The following SFSWAP variants were observed in gnomAD, a reference collection of about 807,000 sequenced individuals.
SFSWAP encodes splicing factor, suppressor of white-apricot homolog.
Under a neutral mutation model 100.7 loss-of-function variants are expected in SFSWAP, and 17 were observed. That is an observed-to-expected ratio of 0.17 (90% CI 0.12 to 0.25). The LOEUF (loss-of-function observed/expected upper bound fraction) is 0.25, where lower values mean the gene tolerates loss of function less well. Among genes scored for constraint, SFSWAP ranks in the 10% least tolerant of loss-of-function variants. SFSWAP has a pLI of 1.00. For missense variants in SFSWAP, 1,005 were observed against 1,262.6 expected, an observed-to-expected ratio of 0.80 and a Z score of 3.09; for synonymous variants, 504 against 510.1, an observed-to-expected ratio of 0.99 and a Z score of 0.16.
intron 4 of SFSWAP, among the ~76,000 whole-genome samples, chr12:131,722,254 A>T (rs960148388): frequency 6.6e-6 from 1 of 152,158 alleles, no homozygotes; most frequent in South Asian, 2.1e-4. Flanking sequence ...GAAGAGTAAG[A>T]AGTAGTTAGA....
At chr12:131,757,881 GA>G in intron 11 of SFSWAP, 1 of 152,392 alleles carries the variant, frequency 6.6e-6, no homozygotes, top group Non-Finnish European at 1.5e-5. Context: ...AGTAGAGGAG[GA>G]AAATGGTTAC....
At position 131,728,295 on chromosome 12, in the gene SFSWAP, C is replaced by T; in HGVS notation, c.948C>T (p.Pro316=). The change falls in exon 7 of 18, where the codon CCC becomes CCT. Residue 316 remains proline (P), a splice_region_variant and synonymous_variant. Coordinates refer to ENST00000261674, the MANE Select transcript of SFSWAP (RefSeq NM_004592.4). ...GGCTGTGTCTTCTCTGTTTCCAGCC[C>T]TTGAAGGTAGTGGACCCAGATCATC... ...KCNRLEELMK[P]LKVVDPDHPL... 1 of 1,614,208 alleles carries T rather than the reference C, an allele frequency of 6.2e-7. No homozygotes were observed. Among genetic ancestry groups the T allele is most frequent in the Non-Finnish European group, 8.5e-7 (1 of 1,180,026 alleles).
At chr12:131,777,495 A>G (rs887322491) in intron 13 of SFSWAP, among the ~76,000 whole-genome samples, 3 of 152,234 alleles carry the variant, frequency 2.0e-5, no homozygotes, top group Admixed American at 6.5e-5. Context: ...ATGGCTGCAT[A>G]GTATTCCATG....
intron 7 of SFSWAP, among the ~76,000 whole-genome samples, chr12:131,740,964 T>TC (rs1880555745): frequency 1.5e-5 from 2 of 135,768 alleles, no homozygotes; most frequent in East Asian, 2.5e-4. Flanking sequence ...TTTCTTTTTT[T>TC]TCTTTTTTTT....
intron 14 of SFSWAP, among the ~76,000 whole-genome samples, chr12:131,786,237 G>A (rs1000862397): frequency 1.3e-5 from 2 of 152,178 alleles, no homozygotes; most frequent in African/African-American, 2.4e-5. Context: ...TGTGTGGAAC[G>A]GGAGAGAGAC....
intron 7 of SFSWAP, among the ~76,000 whole-genome samples, chr12:131,747,670 C>T (rs929070296): frequency 2.0e-5 from 3 of 152,128 alleles, no homozygotes; most frequent in Non-Finnish European, 2.9e-5. Flanking sequence ...AATCATCGGG[C>T]GTCAGCCTTG....
intron 7 of SFSWAP, among the ~76,000 whole-genome samples, chr12:131,737,016 A>G (rs1047735940): frequency 6.6e-5 from 10 of 152,164 alleles, no homozygotes; most frequent in African/African-American, 2.4e-4. Flanking sequence ...ATATGGGTGA[A>G]CATAGCCACA....
At chr12:131,786,338 A>T in intron 14 of SFSWAP, 125 bp from the exon 15 acceptor site, 1 of 1,209,510 alleles carries the variant, frequency 8.3e-7, no homozygotes, top group Non-Finnish European at 1.1e-6. Flanking sequence ...CTCAGGGTCT[A>T]CACAGGCACC....
Position 131,733,723 on chromosome 12 carries a change from C to T in SFSWAP, c.1081+5295C>T, listed in dbSNP as rs1385702429. ...CTCAGGACAGGCACAGAGGACTCCACCCTGGAGTCACAGGCTTGGTGAGGT... is the reference window on the plus strand; with the variant it reads ...CTCAGGACAGGCACAGAGGACTCCATCCTGGAGTCACAGGCTTGGTGAGGT... On this transcript the variant is annotated intron_variant, in intron 7 of 17. Coordinates refer to ENST00000261674, the MANE Select transcript of SFSWAP (RefSeq NM_004592.4). This position sits in a 1 kb window ranked among gnomAD's most constrained non-coding sequence, Gnocchi z 5.1. Among the ~76,000 whole-genome samples, 2 of 152,066 alleles carry T rather than the reference C, an allele frequency of 1.3e-5. No individual in the cohort carries two copies. Among genetic ancestry groups the T allele is most frequent in the African/African-American group, 4.8e-5 (2 of 41,396 alleles).
chr12:131,718,149 T>C (rs1020286011), intron 3 of SFSWAP, among the ~76,000 whole-genome samples: 2 of 152,224 alleles, frequency 1.3e-5, no homozygotes, highest in South Asian at 2.1e-4. Context: ...AATCAACTTA[T>C]ATCTGATCAG....
intron 8 of SFSWAP, 93 bp downstream of exon 8, chr12:131,753,456 A>C: frequency 6.8e-7 from 1 of 1,466,036 alleles, no homozygotes; most frequent in Non-Finnish European, 9.1e-7. Context: ...CTTGTAATCT[A>C]GATCATATAC....
At chr12:131,735,695 T>C (rs1879945372) in intron 7 of SFSWAP, among the ~76,000 whole-genome samples, 1 of 152,248 alleles carries the variant, frequency 6.6e-6, no homozygotes, top group African/African-American at 2.4e-5. Flanking sequence ...TCACGTGAGC[T>C]GCACGCAGCG....
intron 15 of SFSWAP, among the ~76,000 whole-genome samples, chr12:131,795,256 C>G (rs1357380503): frequency 6.6e-6 from 1 of 152,204 alleles, no homozygotes; most frequent in Non-Finnish European, 1.5e-5. Context: ...AGCACCGTCT[C>G]TGGCAGGTCC....
intron 15 of SFSWAP, among the ~76,000 whole-genome samples, chr12:131,793,820 G>C (rs1447667732): frequency 2.6e-5 from 4 of 152,130 alleles, no homozygotes; most frequent in Admixed American, 1.3e-4. Context: ...GATGTGGAAC[G>C]GCATGAGTCA....
Position 131,730,206 on chromosome 12 carries a change from G to A in SFSWAP, c.1081+1778G>A, listed in dbSNP as rs1402712562. 1.3e-5 allele frequency among the ~76,000 whole-genome samples: 2 copies of A among 152,156 alleles called. No individual in the cohort carries two copies. The highest frequency in any genetic ancestry group is 2.4e-5 in the African/African-American group (1 of 41,452). ...CACCTTTAAGTCTTGAGCCCCACTC[G>A]GCAGCCTGTGAAGCTCCCGCCCTGG... On this transcript the variant is annotated intron_variant, in intron 7 of 17. Coordinates refer to ENST00000261674, the MANE Select transcript of SFSWAP (RefSeq NM_004592.4). This position sits in a 1 kb window ranked among gnomAD's most constrained non-coding sequence, Gnocchi z 4.0.
chr12:131,744,191 T>C (rs1233188572), intron 7 of SFSWAP, among the ~76,000 whole-genome samples: 2 of 152,252 alleles, frequency 1.3e-5, no homozygotes, highest in African/African-American at 4.8e-5. Flanking sequence ...TCCTGGTTAC[T>C]TATGCAAATT....
Position 131,768,632 on chromosome 12 carries a change from G to A in SFSWAP, c.2142+2324G>A, listed in dbSNP as rs1012289417. ...TGAGTCCCGAGTGCTCTGGCCACCC[G>A]CTGTAGCCTCAGCTCCTCTGAGCCA... On this transcript the variant is annotated intron_variant, in intron 13 of 17. Coordinates refer to ENST00000261674, the MANE Select transcript of SFSWAP (RefSeq NM_004592.4). Among the ~76,000 whole-genome samples the A allele has an allele frequency of 7.9e-5, 12 of 152,254 alleles. No individual in the cohort carries two copies. The East Asian group carries it at 9.7e-4, about 12-fold the overall frequency.
At chr12:131,787,273 G>C (rs1244035684) in intron 15 of SFSWAP, among the ~76,000 whole-genome samples, 1 of 151,328 alleles carries the variant, frequency 6.6e-6, no homozygotes, top group East Asian at 1.9e-4. Context: ...TTTCACTTCA[G>C]GAAATAGGTC....
chr12:131,787,415 A>T (rs1884971763), intron 15 of SFSWAP, among the ~76,000 whole-genome samples: 1 of 151,798 alleles, frequency 6.6e-6, no homozygotes, highest in Admixed American at 6.6e-5. Context: ...TCACCCACTG[A>T]TGTCACCACC....
Sources: gnomAD v4.1 joint callset for allele counts (sites outside exome capture counted in the v4.1 genomes callset) on GRCh38, gnomAD v4.1.1 for gene constraint, Gnocchi (gnomAD v3.1) non-coding constraint, MANE v1.5 for transcripts, NCBI Gene and HGNC (gene_info 2026-07-23, HGNC 2026-07-21) for gene names.